The following LTBP2 variants were observed in gnomAD, a reference collection of about 807,000 sequenced individuals.
LTBP2 encodes latent-transforming growth factor beta-binding protein 2.
Under a neutral mutation model 210.6 loss-of-function variants are expected in LTBP2, and 103 were observed. That is an observed-to-expected ratio of 0.49 (90% CI 0.42 to 0.58). The LOEUF (loss-of-function observed/expected upper bound fraction) is 0.58. Ranked by LOEUF, LTBP2 falls within the 20% of genes least tolerant of loss-of-function variation. The pLI, the probability that LTBP2 is intolerant of heterozygous loss-of-function variation, is 0.00. For synonymous variants in LTBP2, 1,007 were observed against 1,015.0 expected (o/e 0.99, Z 0.15); for missense variants, 2,313 against 2,494.5 (o/e 0.93, Z 1.55).
chr14:74,529,824 A>G (rs1340504644), intron 10 of LTBP2, among the ~76,000 whole-genome samples: 1 of 152,212 alleles, frequency 6.6e-6, no homozygotes. Flanking sequence ...TGTTATCTCA[A>G]TGGAAGACGA....
chr14:74,603,821 G>A lies in LTBP2; in HGVS notation c.495-116C>T, dbSNP rs1397465537. 6 of 831,278 alleles carry A rather than the reference G, an allele frequency of 7.2e-6. No individual in the cohort carries two copies. The East Asian group carries it at 1.5e-4, about 21-fold the overall frequency. The allele number at this position is 831,278 out of a possible 1,614,324, so 51.5% of individuals were successfully genotyped here. On this transcript the variant is annotated intron_variant, in intron 1 of 35. Coordinates refer to ENST00000261978, the MANE Select transcript of LTBP2 (RefSeq NM_000428.3). ...GGGCCTGGAGGAACATGGAGAGGCT[G>A]GGAAGGCTGTCCCTATTCTACTTGC...
intron 9 of LTBP2, among the ~76,000 whole-genome samples, chr14:74,534,405 T>C (rs1348592600): frequency 6.6e-6 from 1 of 152,154 alleles, no homozygotes; most frequent in Non-Finnish European, 1.5e-5. Flanking sequence ...GCACAAACTG[T>C]TCTTTTGCTT....
chr14:74,572,029 C>T (rs1261385541), intron 3 of LTBP2, among the ~76,000 whole-genome samples: 1 of 151,674 alleles, frequency 6.6e-6, no homozygotes, highest in Non-Finnish European at 1.5e-5. Context: ...AGACACAAAA[C>T]CACAGCTATG....
At chr14:74,549,817 G>A (rs745455801) in intron 8 of LTBP2, 46 bp downstream of exon 8, 3 of 1,513,736 alleles carry the variant, frequency 2.0e-6, no homozygotes, top group South Asian at 1.1e-5. Flanking sequence ...GGCAGGCCCA[G>A]GGAGAGCTTC....
At chr14:74,578,710 G>A (rs1318276958) in intron 3 of LTBP2, among the ~76,000 whole-genome samples, 2 of 152,190 alleles carry the variant, frequency 1.3e-5, no homozygotes, top group Non-Finnish European at 2.9e-5. Context: ...CAACAGCCCT[G>A]CAGGGAGCCT....
chr14:74,507,910 C>T, intron 25 of LTBP2, 63 bp downstream of exon 25: 1 of 1,607,836 alleles, frequency 6.2e-7, no homozygotes, highest in Non-Finnish European at 8.5e-7. Context: ...GAGCTAAGGA[C>T]CAGGCAGTGT....
intron 18 of LTBP2, among the ~76,000 whole-genome samples, chr14:74,515,386 A>T (rs1403815264): frequency 6.6e-6 from 1 of 150,856 alleles, no homozygotes; most frequent in East Asian, 2.0e-4. Context: ...CCTCGCAAGT[A>T]GGTAGGATAA....
intron 2 of LTBP2, among the ~76,000 whole-genome samples, chr14:74,603,309 A>G (rs1218169799): frequency 6.6e-6 from 1 of 151,988 alleles, no homozygotes; most frequent in Non-Finnish European, 1.5e-5. Flanking sequence ...GTGTTTTTAG[A>G]AGAGACAGGG....
intron 17 of LTBP2, among the ~76,000 whole-genome samples, chr14:74,518,847 C>G (rs75245186): frequency 1.3e-5 from 2 of 152,288 alleles, no homozygotes; most frequent in African/African-American, 4.8e-5. Context: ...TCTGGAATAA[C>G]TGGTGTTCAC....
chr14:74,507,850 A>G, intron 25 of LTBP2, 123 bp downstream of exon 25: 4 of 1,353,878 alleles, frequency 3.0e-6, no homozygotes, highest in Non-Finnish European at 4.2e-6. Context: ...GTCTCAATAC[A>G]TACACTATTT....
At chr14:74,604,598 T>G (rs914093568) in intron 1 of LTBP2, among the ~76,000 whole-genome samples, 2 of 148,300 alleles carry the variant, frequency 1.3e-5, no homozygotes, top group African/African-American at 5.0e-5. Flanking sequence ...CAGGCTGGAG[T>G]GCAATGTCGT....
Position 74,606,997 on chromosome 14 carries a change from A to G in LTBP2, c.495-3292T>C, listed in dbSNP as rs144624246. ...TTGGGTATCTAGAGGTTTCTTTCTT[A>G]TTTCTCCTTGTGCCTCTACAGTCTA... On this transcript the variant is annotated intron_variant, in intron 1 of 35. Coordinates refer to ENST00000261978, the MANE Select transcript of LTBP2 (RefSeq NM_000428.3). 2.1e-4 allele frequency among the ~76,000 whole-genome samples: 32 copies of G among 152,018 alleles called. No homozygotes were observed. In the East Asian group the frequency reaches 4.4e-3, roughly 21 times the overall value.
At chr14:74,530,656 C>T (rs1187484456) in intron 10 of LTBP2, among the ~76,000 whole-genome samples, 1 of 152,220 alleles carries the variant, frequency 6.6e-6, no homozygotes. Context: ...GCTGGGACTA[C>T]AGGTGTGCAC....
intron 8 of LTBP2, among the ~76,000 whole-genome samples, chr14:74,546,689 T>G (rs61437639): frequency 0.023 from 3,501 of 152,230 alleles, 144 homozygotes; most frequent in African/African-American, 0.08. Flanking sequence ...GTACAATTCG[T>G]GTTCTGCACG....
chr14:74,510,038 G>GA (rs1242746147), intron 20 of LTBP2, 53 bp downstream of exon 20: 2 of 1,613,406 alleles, frequency 1.2e-6, no homozygotes, highest in Non-Finnish European at 1.7e-6. Flanking sequence ...AGAGGGGAGG[G>GA]AGCCACAAGC....
intron 2 of LTBP2, among the ~76,000 whole-genome samples, chr14:74,599,269 G>A (rs1170982796): frequency 2.0e-5 from 3 of 152,210 alleles, no homozygotes; most frequent in Non-Finnish European, 2.9e-5. Flanking sequence ...GCTGCTGGGG[G>A]CAGGAGTGGG....
chr14:74,578,684 T>C (rs1319029065), intron 3 of LTBP2, among the ~76,000 whole-genome samples: 1 of 152,126 alleles, frequency 6.6e-6, no homozygotes. Flanking sequence ...CACGATATCA[T>C]CAGCAGACCT....
intron 2 of LTBP2, among the ~76,000 whole-genome samples, chr14:74,599,903 T>C (rs1389037760): frequency 3.3e-5 from 5 of 152,240 alleles, no homozygotes; most frequent in Non-Finnish European, 4.4e-5. Flanking sequence ...ACTTTACTCT[T>C]GGCAGTGGGG....
chr14:74,506,474 G>C (rs921587467), intron 27 of LTBP2, among the ~76,000 whole-genome samples: 3 of 152,086 alleles, frequency 2.0e-5, no homozygotes, highest in African/African-American at 4.8e-5. Context: ...TGAGGCTTGA[G>C]GACACCTGCT....
Sources: allele counts gnomAD v4.1 joint callset (sites outside exome capture counted in the v4.1 genomes callset), GRCh38; gene constraint gnomAD v4.1.1; transcripts MANE v1.5; gene names NCBI Gene and HGNC (gene_info 2026-07-23, HGNC 2026-07-21).